Variants in GINS2 observed in about 807,000 individuals in gnomAD.
GINS2 encodes DNA replication complex GINS protein PSF2.
In GINS2, 23 loss-of-function variants were observed where a neutral mutation model predicts 21.2. The observed-to-expected ratio is 1.08, with a 90% CI of 0.78 to 1.53. The LOEUF (loss-of-function observed/expected upper bound fraction) is 1.53. Ranked by LOEUF, GINS2 falls within the 40% of genes most tolerant of loss-of-function variation. The probability of loss-of-function intolerance (pLI) is 0.00; values close to 1 mark genes in which losing one functional copy is unlikely to be tolerated. For missense variants in GINS2, 323 were observed against 233.9 expected (o/e 1.38, Z -2.49); for synonymous variants, 118 against 85.6 (o/e 1.38, Z -2.09).
rs2053803443 is a variant in GINS2, at chr16:85,688,841, T to G, written c.58A>C (p.Asn20His). Residue 20 changes from asparagine (N) to histidine (H), a missense_variant, in exon 1 of 5, where the codon AAC becomes CAC. Physicochemically the swap from Asn to His is moderately conservative, Grantham distance 68. Transcript: ENST00000253462. ...AEKELVTIIPNFSLDKIYLIG... is the reference protein window; with the variant it reads ...AEKELVTIIPHFSLDKIYLIG... Reference sequence around the variant, plus strand: ...AGGTAGATCTTGTCCAGACTGAAGTTGGGGATAATGGTAACCAGCTCCTTC... The same window carrying G: ...AGGTAGATCTTGTCCAGACTGAAGTGGGGGATAATGGTAACCAGCTCCTTC... The G allele has an allele frequency of 1.3e-6, 2 of 1,545,408 alleles. No homozygotes were observed. The highest frequency in any genetic ancestry group is 1.7e-6 in the Non-Finnish European group (2 of 1,144,168).
At chr16:85,688,779 TC>T in intron 1 of GINS2, 29 bp downstream of exon 1, 1 of 1,402,948 alleles carries the variant, frequency 7.1e-7, no homozygotes, top group Non-Finnish European at 9.6e-7. Context: ...CAGCCCGGCC[TC>T]CCCTCCCCAC....
chr16:85,676,653 C>T lies in GINS2; in HGVS notation c.*1559G>A, dbSNP rs1377895921. 6.6e-6 allele frequency: 1 copy of T among 152,216 alleles called. No individual in the cohort carries two copies. The highest frequency in any genetic ancestry group is 2.4e-5 in the African/African-American group (1 of 41,430). 9.4% of individuals were successfully genotyped at this position (152,216 alleles called of 1,614,324 possible). On this transcript the variant is annotated 3_prime_UTR_variant, in exon 5 of 5. Transcript: ENST00000253462. ...GTCACACATGCGCATTCTCAGAGCT[C>T]CCCAGACAGCACCCCACTGCTTTTG...
At position 85,688,887 on chromosome 16, in the gene GINS2, G is replaced by A. The variant is rs1487217190; in HGVS notation, c.12C>T (p.Ala4=). The change falls in exon 1 of 5, where the codon GCC becomes GCT. Residue 4 remains alanine (A), a synonymous_variant. Coordinates refer to ENST00000253462, the MANE Select transcript of GINS2 (RefSeq NM_016095.3). The part of the protein sequence containing the change: MDA[A]EVEFLAEKEL... ...CCTTCTCGGCGAGGAATTCGACCTC[G>A]GCAGCGTCCATGGCGGCGCGAGCTG... 2.6e-6 allele frequency: 4 copies of A among 1,539,986 alleles called. No homozygotes were observed. In the African/African-American group the frequency reaches 4.2e-5, roughly 16 times the overall value.
chr16:85,688,840 T>C lies in GINS2; in HGVS notation c.59A>G (p.Asn20Ser), dbSNP rs772238729. 52 of 1,545,296 alleles carry C rather than the reference T, an allele frequency of 3.4e-5. No individual in the cohort carries two copies. The highest frequency in any genetic ancestry group is 4.4e-5 in the Non-Finnish European group (50 of 1,143,966). The change falls in exon 1 of 5, where the codon AAC (asparagine) becomes AGC (serine). Residue 20 changes from asparagine (N) to serine (S), a missense_variant. Physicochemically the swap from Asn to Ser is conservative, Grantham distance 46. Coordinates refer to ENST00000253462, the MANE Select transcript of GINS2 (RefSeq NM_016095.3). ...GAGGTAGATCTTGTCCAGACTGAAG[T>C]TGGGGATAATGGTAACCAGCTCCTT... is the stretch of plus-strand genomic sequence containing the variant. ...AEKELVTIIP[N>S]FSLDKIYLIG...
Position 85,677,166 on chromosome 16 carries a change from G to A in GINS2, c.*1046C>T, listed in dbSNP as rs1236599364. On this transcript the variant is annotated 3_prime_UTR_variant, in exon 5 of 5. Transcript: ENST00000253462. Reference sequence around the variant, plus strand: ...GATTACATGCATGAGCCAAGCCAATGTGCCCGGCCAAAAATTAAAGTTTTT... The same window carrying A: ...GATTACATGCATGAGCCAAGCCAATATGCCCGGCCAAAAATTAAAGTTTTT... The A allele has an allele frequency of 2.6e-5, 4 of 152,082 alleles. No individual in the cohort carries two copies. The allele number at this position is 152,082 out of a possible 1,614,324, so 9.4% of individuals were successfully genotyped here. A position where few individuals can be genotyped will look rare whatever the true frequency, so the allele number is the denominator to read the frequency against.
chr16:85,679,865 A>C (rs2053717231), intron 3 of GINS2, among the ~76,000 whole-genome samples: 1 of 152,168 alleles, frequency 6.6e-6, no homozygotes, highest in Non-Finnish European at 1.5e-5. Flanking sequence ...TGGCCACTGC[A>C]GCAGAACCTA....
At position 85,677,747 on chromosome 16, in the gene GINS2, C is replaced by G. The variant is rs2053692676; in HGVS notation, c.*465G>C. 1 of 158,814 alleles carries G rather than the reference C, an allele frequency of 6.3e-6. No homozygotes were observed. Among genetic ancestry groups the G allele is most frequent in the Non-Finnish European group, 1.4e-5 (1 of 72,060 alleles). 9.8% of individuals were successfully genotyped at this position (158,814 alleles called of 1,614,324 possible). On this transcript the variant is annotated 3_prime_UTR_variant, in exon 5 of 5. Transcript: ENST00000253462. Reference sequence around the variant, plus strand: ...CGGTCAGCATTGTTGGCTGCACCATCTGCCATCCTTCTCTGTGAGCCACCT... The same window carrying G: ...CGGTCAGCATTGTTGGCTGCACCATGTGCCATCCTTCTCTGTGAGCCACCT...
In GINS2 at chr16:85,681,278, A is replaced by G. The variant is rs145719124; in HGVS notation, c.305+304T>C. The stretch of plus-strand genomic sequence containing the variant: ...TGCTGGTGGCTCACACTGGGGTCCA[A>G]TGTCGAGTGATGTGAGGCAGAACAA... On this transcript the variant is annotated intron_variant, in intron 3 of 4. Transcript: ENST00000253462. Among the ~76,000 whole-genome samples, 562 of 152,388 alleles carry G rather than the reference A, an allele frequency of 3.7e-3. 1 individual carries two copies. The highest frequency in any genetic ancestry group is 0.013 in the African/African-American group (521 of 41,590).
intron 2 of GINS2, 33 bp downstream of exon 2, chr16:85,687,427 C>CCACG: frequency 7.5e-7 from 1 of 1,325,584 alleles, no homozygotes; most frequent in Non-Finnish European, 1.0e-6. Flanking sequence ...CCAGCCCCAC[C>CCACG]CACGCATCAA....
rs2053696921 is a variant in GINS2 at position 85,678,010 on chromosome 16, T to A, written c.*202A>T. 7.9e-6 allele frequency: 4 copies of A among 503,210 alleles called. No individual in the cohort carries two copies. Among genetic ancestry groups the A allele is most frequent in the Non-Finnish European group, 1.4e-5 (4 of 284,962 alleles). 31.2% of individuals were successfully genotyped at this position (503,210 alleles called of 1,614,324 possible). On this transcript the variant is annotated 3_prime_UTR_variant, in exon 5 of 5. Transcript: ENST00000253462. ...AAGGGCTGGTTTCTAGAAACAGATG[T>A]GGAATTGAAGAATGTCCCAGGGAGC... is the stretch of plus-strand genomic sequence containing the variant.
At chr16:85,684,664 C>T (rs12599114) in intron 2 of GINS2, among the ~76,000 whole-genome samples, 1 of 151,568 alleles carries the variant, frequency 6.6e-6, no homozygotes, top group African/African-American at 2.4e-5. Flanking sequence ...GGGAGCTGAG[C>T]TCTGTGTCCC....
intron 1 of GINS2, chr16:85,688,080 C>G (rs1276725318): frequency 1.3e-5 from 2 of 152,742 alleles, no homozygotes; most frequent in Admixed American, 6.5e-5. Flanking sequence ...CGCAGTGAGC[C>G]GAGATCGCGC....
chr16:85,681,150 A>C (rs1355434372), intron 3 of GINS2, among the ~76,000 whole-genome samples: 1 of 152,240 alleles, frequency 6.6e-6, no homozygotes, highest in African/African-American at 2.4e-5. Context: ...TGCGAAAGAC[A>C]CAAAAAAACT....
chr16:85,685,260 G>C (rs968452426), intron 2 of GINS2, among the ~76,000 whole-genome samples: 6 of 152,320 alleles, frequency 3.9e-5, no homozygotes, highest in East Asian at 1.9e-4. Context: ...CGATAAAACA[G>C]GCCCTTGCCA....
At chr16:85,687,712 C>G in intron 1 of GINS2, 138 bp from the exon 2 acceptor site, 2 of 556,124 alleles carry the variant, frequency 3.6e-6, no homozygotes, top group Non-Finnish European at 3.2e-6. Flanking sequence ...CCAACTGTTA[C>G]CAGACTCAGA....
chr16:85,688,707 G>A (rs914776111), intron 1 of GINS2, 102 bp downstream of exon 1: 4 of 537,576 alleles, frequency 7.4e-6, no homozygotes, highest in African/African-American at 4.0e-5. Flanking sequence ...CTCCGCAGAT[G>A]CGGGAGCAGG....
At chr16:85,678,465 T>C in intron 4 of GINS2, 75 bp downstream of exon 4, 1 of 1,570,632 alleles carries the variant, frequency 6.4e-7, no homozygotes, top group Non-Finnish European at 8.7e-7. Flanking sequence ...CTGCCTGTAA[T>C]AGCCTCAGCA....
At chr16:85,678,895 T>C (rs2053709207) in intron 3 of GINS2, among the ~76,000 whole-genome samples, 1 of 152,248 alleles carries the variant, frequency 6.6e-6, no homozygotes, top group Non-Finnish European at 1.5e-5. Context: ...GGCAGGCTGC[T>C]GAACAGGACT....
At position 85,686,742 on chromosome 16, in the gene GINS2, C is replaced by T. The variant is rs563306536; in HGVS notation, c.205+718G>A. Among the ~76,000 whole-genome samples the T allele has an allele frequency of 3.6e-4, 55 of 152,326 alleles. No homozygotes were observed. The South Asian group carries it at 0.011, about 31-fold the overall frequency. On this transcript the variant is annotated intron_variant, in intron 2 of 4. Transcript: ENST00000253462. ...CTTTAAGATGTTTCAGGTTCATCCA[C>T]GCAGTAGCATGTATCAGAATTCCAT...
Sources: allele counts gnomAD v4.1 joint callset (sites outside exome capture counted in the v4.1 genomes callset), GRCh38; gene constraint gnomAD v4.1.1; transcripts MANE v1.5; gene names NCBI Gene and HGNC (gene_info 2026-07-23, HGNC 2026-07-21).